ARHGEF28: variants seen among roughly 807,000 people sequenced by gnomAD.
The protein encoded by ARHGEF28 is Rho guanine nucleotide exchange factor 28.
Under a neutral mutation model 206.6 loss-of-function variants are expected in ARHGEF28, and 152 were observed. The observed-to-expected ratio is 0.74, with a 90% CI of 0.64 to 0.84. The LOEUF is 0.84. ARHGEF28 is among the 40% of genes least tolerant of loss of function. ARHGEF28 has a pLI of 0.00. For synonymous variants in ARHGEF28, 763 were observed against 776.4 expected, an observed-to-expected ratio of 0.98 and a Z score of 0.29; for missense variants, 2,028 against 2,073.2, an observed-to-expected ratio of 0.98 and a Z score of 0.42.
intron 22 of ARHGEF28, among the ~76,000 whole-genome samples, chr5:73,877,829 G>A (rs1347047113): frequency 1.3e-5 from 2 of 152,134 alleles, no homozygotes; most frequent in Admixed American, 6.5e-5. Flanking sequence ...TCTGAGGAGA[G>A]CTTTACTTCC....
intron 1 of ARHGEF28, among the ~76,000 whole-genome samples, chr5:73,636,912 C>G (rs1009352778): frequency 6.6e-6 from 1 of 152,136 alleles, no homozygotes; most frequent in Non-Finnish European, 1.5e-5. Flanking sequence ...TGCTTTCAGA[C>G]ACTTGACTGG....
intron 16 of ARHGEF28, among the ~76,000 whole-genome samples, chr5:73,860,547 T>A (rs777699587): frequency 1.5e-4 from 23 of 152,158 alleles, no homozygotes; most frequent in Non-Finnish European, 2.8e-4. Context: ...TCCACTGCCC[T>A]CTTGTCCCTC....
At chr5:73,902,632 C>G (rs570923189) in intron 31 of ARHGEF28, 1 of 152,290 alleles carries the variant, frequency 6.6e-6, no homozygotes, top group Non-Finnish European at 1.5e-5. Flanking sequence ...TTAGCTTCCT[C>G]TACAAGGTAA....
intron 2 of ARHGEF28, among the ~76,000 whole-genome samples, chr5:73,747,687 C>T (rs926766117): frequency 2.0e-5 from 3 of 152,196 alleles, no homozygotes; most frequent in Middle Eastern, 6.8e-3. Flanking sequence ...ATATAAGAGA[C>T]TTTTTTTATT....
At chr5:73,739,147 A>T (rs1367200767) in intron 2 of ARHGEF28, among the ~76,000 whole-genome samples, 1 of 151,988 alleles carries the variant, frequency 6.6e-6, no homozygotes, top group Non-Finnish European at 1.5e-5. Context: ...TTTTCCAAAC[A>T]AGTATTATGA....
intron 9 of ARHGEF28, among the ~76,000 whole-genome samples, chr5:73,831,679 G>C (rs766918586): frequency 6.6e-5 from 10 of 152,102 alleles, no homozygotes; most frequent in Non-Finnish European, 1.3e-4. Flanking sequence ...ATCAATAAAG[G>C]GAAATGTATA....
intron 2 of ARHGEF28, among the ~76,000 whole-genome samples, chr5:73,685,546 G>A (rs992835109): frequency 3.3e-5 from 5 of 152,112 alleles, no homozygotes; most frequent in Admixed American, 2.0e-4. Flanking sequence ...CTGGGCAGGT[G>A]GGCCTGGGTG....
intron 35 of ARHGEF28, among the ~76,000 whole-genome samples, chr5:73,940,391 C>T (rs282412): frequency 0.4 from 60,319 of 151,934 alleles, 12,348 homozygotes; most frequent in East Asian, 0.59. Flanking sequence ...ACTTTTTACC[C>T]CCACCCCTTG....
At chr5:73,794,273 G>A (rs969208090) in intron 7 of ARHGEF28, 129 bp from the exon 8 acceptor site, 19 of 665,288 alleles carry the variant, frequency 2.9e-5, no homozygotes, top group African/African-American at 3.7e-5. Flanking sequence ...TTTTTAAGAG[G>A]CCTAATCTAA....
chr5:73,680,667 AAAAAAT>A (rs1302647991), intron 1 of ARHGEF28, among the ~76,000 whole-genome samples: 1 of 152,066 alleles, frequency 6.6e-6, no homozygotes, highest in Non-Finnish European at 1.5e-5. Context: ...CTATTGAAGT[AAAAAAT>A]AAAAATTAAA....
In ARHGEF28 at chr5:73,849,020, A is replaced by G. The variant is rs2973568; in HGVS notation, c.1680A>G (p.Ser560=). Residue 560 remains serine, a synonymous_variant, in exon 13 of 36, where the codon TCA becomes TCG. Coordinates refer to ENST00000513042, the MANE Select transcript of ARHGEF28 (RefSeq NM_001177693.2). ...TTCGCTCACGTTCTTATTCTTGCTCATCACCCAAAATTTCTTTAGGAAAAA... is the reference window on the plus strand; with the variant it reads ...TTCGCTCACGTTCTTATTCTTGCTCGTCACCCAAAATTTCTTTAGGAAAAA... The part of the protein sequence containing the change: ...SGVRSRSYSC[S]SPKISLGKTR... 934,852 of 1,575,968 alleles carry G rather than the reference A, an allele frequency of 0.59. 282,631 individuals are homozygous for G. The highest frequency in any genetic ancestry group is 0.91 in the African/African-American group (67,346 of 74,314).
chr5:73,915,812 A>G (rs1421707411), intron 35 of ARHGEF28, among the ~76,000 whole-genome samples: 1 of 152,094 alleles, frequency 6.6e-6, no homozygotes, highest in Non-Finnish European at 1.5e-5. Context: ...TTTCAGTTGT[A>G]TTTTTCTGTA....
In ARHGEF28 at chr5:73,774,144, T is replaced by C. The variant is rs534899746; in HGVS notation, c.659+106T>C. 1.2e-5 allele frequency: 13 copies of C among 1,041,652 alleles called. No individual in the cohort carries two copies. The African/African-American group carries it at 1.9e-4, about 15-fold the overall frequency. The allele number at this position is 1,041,652 out of a possible 1,614,324, so 64.5% of individuals were successfully genotyped here. On this transcript the variant is annotated intron_variant, in intron 5 of 35. Transcript: ENST00000513042. ...CACAAGCTAATGTTGGTTTATGTTT[T>C]ACTGTTAGCTCTCATGCATATATAT...
chr5:73,909,985 A>G, intron 34 of ARHGEF28, 88 bp downstream of exon 34: 11 of 1,411,400 alleles, frequency 7.8e-6, no homozygotes, highest in Non-Finnish European at 8.3e-6. Flanking sequence ...AACATCTGTC[A>G]TTTTGGATTT....
chr5:73,825,059 C>T (rs1001251355), intron 9 of ARHGEF28, among the ~76,000 whole-genome samples: 1 of 152,188 alleles, frequency 6.6e-6, no homozygotes, highest in Admixed American at 6.5e-5. Flanking sequence ...TCATTATCCA[C>T]TGCCTGCCTG....
chr5:73,774,181 AC>A (rs1753409171), intron 5 of ARHGEF28, 143 bp downstream of exon 5: 4 of 663,144 alleles, frequency 6.0e-6, no homozygotes, highest in Admixed American at 7.5e-5. Flanking sequence ...GATCATATAA[AC>A]AGATATACTG....
At chr5:73,918,071 T>G (rs897680748) in intron 35 of ARHGEF28, among the ~76,000 whole-genome samples, 1 of 152,226 alleles carries the variant, frequency 6.6e-6, no homozygotes, top group Non-Finnish European at 1.5e-5. Flanking sequence ...CATCCAGCTA[T>G]GCAGATTTTG....
intron 13 of ARHGEF28, among the ~76,000 whole-genome samples, chr5:73,850,559 T>G (rs928141125): frequency 6.6e-6 from 1 of 152,116 alleles, no homozygotes; most frequent in African/African-American, 2.4e-5. Flanking sequence ...TTGTTACTAT[T>G]TGGAAAACAT....
intron 20 of ARHGEF28, among the ~76,000 whole-genome samples, chr5:73,868,934 A>T (rs761347871): frequency 6.6e-6 from 1 of 152,232 alleles, no homozygotes; most frequent in East Asian, 1.9e-4. Flanking sequence ...GGCATGAGCC[A>T]CTGTGCCCAG....
Sources: gnomAD v4.1 joint callset for allele counts (sites outside exome capture counted in the v4.1 genomes callset) on GRCh38, gnomAD v4.1.1 for gene constraint, MANE v1.5 for transcripts, NCBI Gene and HGNC (gene_info 2026-07-23, HGNC 2026-07-21) for gene names.